ITPR1: variants seen among roughly 807,000 people sequenced by gnomAD.
ITPR1 encodes inositol 1,4,5-trisphosphate-gated calcium channel ITPR1.
Under a neutral mutation model 318.4 loss-of-function variants are expected in ITPR1, and 96 were observed. The observed-to-expected ratio is 0.30, with a 90% confidence interval of 0.26 to 0.36. The LOEUF is 0.36. ITPR1 is among the 10% of genes least tolerant of loss of function. The pLI, the probability that ITPR1 is intolerant of heterozygous loss-of-function variation, is 1.00. For missense variants in ITPR1, 2,440 were observed against 3,460.2 expected, an observed-to-expected ratio of 0.71 and a Z score of 7.40; for synonymous variants, 1,312 against 1,289.9, an observed-to-expected ratio of 1.02 and a Z score of -0.37.
intron 59 of ITPR1, 31 bp from the exon 60 acceptor site, chr3:4,818,051 T>C (rs756252151): frequency 3.8e-5 from 59 of 1,572,320 alleles, no homozygotes; most frequent in Non-Finnish European, 5.0e-5. Context: ...GCTGCTCAGC[T>C]GGGGCTGGGG....
intron 3 of ITPR1, among the ~76,000 whole-genome samples, chr3:4,518,730 A>G (rs1468892002): frequency 1.3e-5 from 2 of 152,172 alleles, no homozygotes; most frequent in African/African-American, 4.8e-5. Flanking sequence ...GTGTGTGTGC[A>G]CACTACTCAG....
At chr3:4,527,031 T>G in intron 4 of ITPR1, among the ~76,000 whole-genome samples, 1 of 152,344 alleles carries the variant, frequency 6.6e-6, no homozygotes. Flanking sequence ...TCCTAATCTT[T>G]CGCTGTGCAG....
At chr3:4,514,980 A>G (rs1197176238) in intron 2 of ITPR1, among the ~76,000 whole-genome samples, 1 of 152,198 alleles carries the variant, frequency 6.6e-6, no homozygotes, top group Non-Finnish European at 1.5e-5. Flanking sequence ...TTATTTGTGT[A>G]TCTTCCCTCA....
At chr3:4,765,629 C>T (rs922968375) in intron 44 of ITPR1, among the ~76,000 whole-genome samples, 1 of 151,972 alleles carries the variant, frequency 6.6e-6, no homozygotes, top group Non-Finnish European at 1.5e-5. Flanking sequence ...GCAGAAGATA[C>T]ACTGGAAGAA....
At chr3:4,681,074 G>C (rs1392566821) in intron 25 of ITPR1, among the ~76,000 whole-genome samples, 2 of 152,134 alleles carry the variant, frequency 1.3e-5, no homozygotes, top group Non-Finnish European at 1.5e-5. Context: ...TAGTGGTGAC[G>C]GGAGATGGTA....
intron 24 of ITPR1, 40 bp downstream of exon 24, chr3:4,676,841 CA>C: frequency 6.7e-7 from 1 of 1,496,888 alleles, no homozygotes; most frequent in Non-Finnish European, 9.2e-7. Context: ...GGGTATGTCA[CA>C]GAGGCGCCAT....
intron 39 of ITPR1, among the ~76,000 whole-genome samples, chr3:4,716,585 G>A (rs933814943): frequency 2.2e-4 from 33 of 152,130 alleles, no homozygotes; most frequent in African/African-American, 7.7e-4. Flanking sequence ...TTACCAAAGC[G>A]TCTTTGCTCC....
chr3:4,733,155 A>G lies in ITPR1; in HGVS notation c.5288A>G (p.Glu1763Gly), dbSNP rs1559794086. 2 of 1,614,016 alleles carry G rather than the reference A, an allele frequency of 1.2e-6. No homozygotes were observed. The highest frequency in any genetic ancestry group is 8.5e-7 in the Non-Finnish European group (1 of 1,179,886). The change falls in exon 43 of 62, where the codon GAG becomes GGG. Residue 1763 changes from glutamate to glycine, a missense_variant. Coordinates refer to ENST00000649015, the MANE Select transcript of ITPR1 (RefSeq NM_001378452.1). ...AACGTCAGACCTTCGGGACGAAGAG[A>G]GAGCCTTACCAGCTTTGGCAATGGC... ...YGNVRPSGRR[E>G]SLTSFGNGPL...
intron 2 of ITPR1, among the ~76,000 whole-genome samples, chr3:4,506,308 G>C (rs748056184): frequency 2.0e-5 from 3 of 152,110 alleles, no homozygotes; most frequent in African/African-American, 7.2e-5. Context: ...CTGGCTTTCT[G>C]TTTCTGGAAT....
At chr3:4,549,088 A>G (rs1340032537) in intron 4 of ITPR1, among the ~76,000 whole-genome samples, 1 of 152,188 alleles carries the variant, frequency 6.6e-6, no homozygotes, top group Non-Finnish European at 1.5e-5. Context: ...AGCCCTCTCC[A>G]TTTGTTAATT....
At chr3:4,760,919 C>T (rs2045394729) in intron 44 of ITPR1, among the ~76,000 whole-genome samples, 1 of 152,234 alleles carries the variant, frequency 6.6e-6, no homozygotes, top group African/African-American at 2.4e-5. Flanking sequence ...CCATCTGCAC[C>T]TTTAATTCCC....
intron 31 of ITPR1, among the ~76,000 whole-genome samples, 176 bp downstream of exon 31, chr3:4,688,796 G>A (rs142606294): frequency 1.3e-5 from 2 of 152,304 alleles, no homozygotes; most frequent in East Asian, 3.9e-4. Flanking sequence ...ATCTTTTGGG[G>A]ATGAGATGGC....
At chr3:4,814,993 G>A (rs1480980153) in intron 58 of ITPR1, 60 bp from the exon 59 acceptor site, 11 of 1,420,496 alleles carry the variant, frequency 7.7e-6, no homozygotes, top group Non-Finnish European at 9.6e-6. Context: ...TGTGCCCCAG[G>A]CTCCGCAGAC....
chr3:4,746,107 G>T (rs571817486), intron 44 of ITPR1, among the ~76,000 whole-genome samples: 3 of 152,172 alleles, frequency 2.0e-5, no homozygotes, highest in Non-Finnish European at 2.9e-5. Flanking sequence ...TGACCACCAG[G>T]CTCGACCGCC....
At chr3:4,555,788 G>T (rs1185160165) in intron 4 of ITPR1, among the ~76,000 whole-genome samples, 3 of 152,040 alleles carry the variant, frequency 2.0e-5, no homozygotes, top group Non-Finnish European at 4.4e-5. Context: ...TCTTACTTTT[G>T]TGCCCCTTGC....
Position 4,627,838 on chromosome 3 carries a change from C to T in ITPR1, c.239C>T (p.Ala80Val). Residue 80 changes from alanine (A) to valine (V), a missense_variant, in exon 5 of 62, where the codon GCC becomes GTC. Transcript: ENST00000649015. The part of the protein sequence containing the change: ...KQFWKAAKPG[A>V]NSTTDAVLLN... ...TTCTGGAAAGCCGCTAAGCCTGGGG[C>T]CAACAGCACCACAGACGCAGTGCTA... The T allele has an allele frequency of 1.9e-6, 3 of 1,613,598 alleles. No individual in the cohort carries two copies. The highest frequency in any genetic ancestry group is 1.3e-5 in the African/African-American group (1 of 74,990).
chr3:4,697,451 C>T (rs1386377560), intron 34 of ITPR1, among the ~76,000 whole-genome samples, 179 bp downstream of exon 34: 10 of 72,332 alleles, frequency 1.4e-4, no homozygotes, highest in African/African-American at 2.1e-4. Context: ...TGTATCCTTT[C>T]TTCCTTTTTT....
intron 44 of ITPR1, among the ~76,000 whole-genome samples, chr3:4,764,870 G>C (rs2045703247): frequency 6.6e-6 from 1 of 152,064 alleles, no homozygotes; most frequent in Admixed American, 6.6e-5. Context: ...AAAGGTCTAG[G>C]CTCCTTTTTG....
chr3:4,616,159 T>C (rs2092380497), intron 4 of ITPR1, among the ~76,000 whole-genome samples: 1 of 152,240 alleles, frequency 6.6e-6, no homozygotes, highest in Admixed American at 6.5e-5. Flanking sequence ...ATGGAAGGCT[T>C]GCTGGAGATT....
Sources: allele counts gnomAD v4.1 joint callset (sites outside exome capture counted in the v4.1 genomes callset), GRCh38; gene constraint gnomAD v4.1.1; transcripts MANE v1.5; gene names NCBI Gene and HGNC (gene_info 2026-07-23, HGNC 2026-07-21).